Variants in RASA1 observed in about 807,000 individuals in gnomAD.
RASA1 encodes RAS p21 protein activator 1, also known as ras GTPase-activating protein 1.
Under a neutral mutation model 132.2 loss-of-function variants are expected in RASA1, and 25 were observed. The ratio of observed to expected loss-of-function variants is 0.19; its 90% CI spans 0.14 to 0.26. The LOEUF (loss-of-function observed/expected upper bound fraction) is 0.26. RASA1 is among the 10% of genes least tolerant of loss of function. The pLI is 1.00. For synonymous variants in RASA1, 477 were observed against 449.9 expected, an observed-to-expected ratio of 1.06 and a Z score of -0.76; for missense variants, 964 against 1,299.2, an observed-to-expected ratio of 0.74 and a Z score of 3.97.
intron 1 of RASA1, among the ~76,000 whole-genome samples, chr5:87,312,757 TTTC>T (rs1353660424): frequency 6.6e-6 from 1 of 152,226 alleles, no homozygotes; most frequent in Non-Finnish European, 1.5e-5. Context: ...AGCTTCATTC[TTTC>T]TTCTTATACA....
chr5:87,282,102 C>T (rs763502569), intron 1 of RASA1, among the ~76,000 whole-genome samples: 1 of 151,906 alleles, frequency 6.6e-6, no homozygotes, highest in Non-Finnish European at 1.5e-5. Flanking sequence ...TTATTTCAGT[C>T]ATCAACTATG....
intron 23 of RASA1, among the ~76,000 whole-genome samples, chr5:87,388,080 T>C (rs1265890433): frequency 6.6e-6 from 1 of 152,170 alleles, no homozygotes; most frequent in African/African-American, 2.4e-5. Context: ...ATAAAATAAC[T>C]TTTGTTTTAC....
At chr5:87,283,780 T>G (rs1305996061) in intron 1 of RASA1, among the ~76,000 whole-genome samples, 1 of 152,116 alleles carries the variant, frequency 6.6e-6, no homozygotes, top group Non-Finnish European at 1.5e-5. Context: ...CCCACTTCTG[T>G]TTTTCTTCCT....
chr5:87,345,467 T>C (rs985139888), intron 6 of RASA1, among the ~76,000 whole-genome samples: 2 of 152,156 alleles, frequency 1.3e-5, no homozygotes, highest in Non-Finnish European at 2.9e-5. Context: ...TTGTAGTAAG[T>C]GGTCATTTAG....
rs1422043941 is a variant in RASA1, at chr5:87,341,414, G to GT, written c.1049+97dup. 9 of 775,142 alleles carry GT rather than the reference G, an allele frequency of 1.2e-5. No homozygotes were observed. The Middle Eastern group carries it at 1.3e-3, about 109-fold the overall frequency. The allele number at this position is 775,142 out of a possible 1,614,324, so 48.0% of individuals were successfully genotyped here. ...TTGGCCAAAAAAATTGTTTTTTAAGGTTTTGGACTGACTTAACTTTTAAAT... is the reference window on the plus strand; with the variant it reads ...TTGGCCAAAAAAATTGTTTTTTAAGGTTTTTGGACTGACTTAACTTTTAAAT... On this transcript the variant is annotated intron_variant, in intron 6 of 24. Transcript: ENST00000274376.
At chr5:87,358,528 GACCACCACCA>G (rs1297677304) in intron 9 of RASA1, among the ~76,000 whole-genome samples, 1 of 152,092 alleles carries the variant, frequency 6.6e-6, no homozygotes, top group Non-Finnish European at 1.5e-5. Flanking sequence ...TCTAGAATAT[GACCACCACCA>G]GAATCTGCCT....
Position 87,390,973 on chromosome 5 carries a change from AT to A in RASA1, c.*91del. 7.7e-7 allele frequency: 1 copy of A among 1,298,622 alleles called. No homozygotes were observed. The highest frequency in any genetic ancestry group is 1.1e-6 in the Non-Finnish European group (1 of 899,122). The allele number at this position is 1,298,622 out of a possible 1,614,324, so 80.4% of individuals were successfully genotyped here. On this transcript the variant is annotated 3_prime_UTR_variant, in exon 25 of 25. Coordinates refer to ENST00000274376, the MANE Select transcript of RASA1 (RefSeq NM_002890.3). ...ATGTCTCCTTTGCTCTTGCCAAAAA[AT>A]AGCACACTTTTCCACATTCCAGTGA...
intron 1 of RASA1, among the ~76,000 whole-genome samples, chr5:87,269,531 A>G (rs1003135637): frequency 1.3e-5 from 2 of 152,208 alleles, no homozygotes; most frequent in Non-Finnish European, 2.9e-5. Context: ...ACTTAATGAG[A>G]ACTTGGGTCA....
In RASA1 at chr5:87,366,375, G is replaced by C. The variant is rs1247291960; in HGVS notation, c.1610+2871G>C. On this transcript the variant is annotated intron_variant, in intron 11 of 24. Transcript: ENST00000274376. ...GATGCAGTTAGATTGGAAGTCTGTT[G>C]GCACAATCAAAAGAAAGGTCCACAT... 3 of 428,920 alleles carry C rather than the reference G, an allele frequency of 7.0e-6. No individual in the cohort carries two copies. The East Asian group carries it at 2.1e-4, about 30-fold the overall frequency. The allele number at this position is 428,920 out of a possible 1,614,324, so 26.6% of individuals were successfully genotyped here.
intron 1 of RASA1, among the ~76,000 whole-genome samples, chr5:87,294,849 G>A (rs1206215078): frequency 6.6e-6 from 1 of 152,192 alleles, no homozygotes; most frequent in African/African-American, 2.4e-5. Flanking sequence ...GTCTATAGAT[G>A]TCAGTTATAT....
At chr5:87,382,254 A>G (rs1050583815) in intron 20 of RASA1, among the ~76,000 whole-genome samples, 1 of 152,172 alleles carries the variant, frequency 6.6e-6, no homozygotes, top group Non-Finnish European at 1.5e-5. Context: ...CCCAGCCAAT[A>G]TATTAGAATT....
intron 1 of RASA1, among the ~76,000 whole-genome samples, chr5:87,309,817 T>A (rs781213274): frequency 8.5e-5 from 13 of 152,134 alleles, no homozygotes; most frequent in Non-Finnish European, 1.8e-4. Flanking sequence ...TGTTTAACAT[T>A]TAATTTGGCA....
chr5:87,389,688 C>T (rs1052058836), intron 24 of RASA1, among the ~76,000 whole-genome samples, 161 bp downstream of exon 24: 31 of 152,116 alleles, frequency 2.0e-4, no homozygotes, highest in Non-Finnish European at 4.1e-4. Flanking sequence ...AATAACGGGC[C>T]CCGACTAAAA....
At chr5:87,284,064 T>A (rs1202328506) in intron 1 of RASA1, among the ~76,000 whole-genome samples, 3 of 152,198 alleles carry the variant, frequency 2.0e-5, no homozygotes, top group Non-Finnish European at 4.4e-5. Flanking sequence ...TTTTTAAATC[T>A]TCTTTCAAGA....
At chr5:87,301,572 T>A (rs1755365548) in intron 1 of RASA1, among the ~76,000 whole-genome samples, 1 of 152,210 alleles carries the variant, frequency 6.6e-6, no homozygotes, top group Non-Finnish European at 1.5e-5. Context: ...TTTTGAGTTT[T>A]ATATAATAAA....
Position 87,311,006 on chromosome 5 carries a change from C to G in RASA1, c.540-20342C>G, listed in dbSNP as rs534587793. On this transcript the variant is annotated intron_variant, in intron 1 of 24. Transcript: ENST00000274376. ...AAAAATTATTAATTTTATTAAGTTG[C>G]AGTCCTTGAGTATATGTCCTTTTAG... Among the ~76,000 whole-genome samples, 4 of 152,186 alleles carry G rather than the reference C, an allele frequency of 2.6e-5. No individual in the cohort carries two copies. In the South Asian group the frequency reaches 6.2e-4, roughly 24 times the overall value.
At chr5:87,334,080 G>A (rs9293487) in intron 4 of RASA1, among the ~76,000 whole-genome samples, 52,900 of 151,972 alleles carry the variant, frequency 0.35, 9,536 homozygotes, top group East Asian at 0.48. Flanking sequence ...TCATGTATTA[G>A]TCAGTGTTCT....
At chr5:87,315,029 G>A (rs1389561370) in intron 1 of RASA1, among the ~76,000 whole-genome samples, 3 of 152,064 alleles carry the variant, frequency 2.0e-5, no homozygotes, top group South Asian at 2.1e-4. Flanking sequence ...GGCAGAATGT[G>A]GTTTCCAAAT....
At chr5:87,276,917 C>CAT (rs1254650309) in intron 1 of RASA1, among the ~76,000 whole-genome samples, 1 of 152,118 alleles carries the variant, frequency 6.6e-6, no homozygotes, top group Non-Finnish European at 1.5e-5. Flanking sequence ...TAGCTAAGTT[C>CAT]ATATAACTAG....
Sources: allele counts gnomAD v4.1 joint callset (sites outside exome capture counted in the v4.1 genomes callset), GRCh38; gene constraint gnomAD v4.1.1; transcripts MANE v1.5; gene names NCBI Gene and HGNC (gene_info 2026-07-23, HGNC 2026-07-21).